MTARC2: variants seen among roughly 807,000 people sequenced by gnomAD.
MTARC2 encodes the protein mitochondrial amidoxime reducing component 2.
In MTARC2, 27 loss-of-function variants were observed where a neutral mutation model predicts 35.6. The ratio of observed to expected loss-of-function variants is 0.76; its 90% CI spans 0.56 to 1.04. The LOEUF (loss-of-function observed/expected upper bound fraction) is 1.04, where lower values mean the gene tolerates loss of function less well. MTARC2 is among the 50% of genes least tolerant of loss of function. MTARC2 has a pLI of 0.00. For missense variants in MTARC2, 412 were observed against 432.5 expected, an observed-to-expected ratio of 0.95 and a Z score of 0.42; for synonymous variants, 158 against 167.1, an observed-to-expected ratio of 0.95 and a Z score of 0.42.
chr1:220,779,481 A>G (rs12033645), intron 4 of MTARC2, among the ~76,000 whole-genome samples: 2,462 of 152,290 alleles, frequency 0.016, 42 homozygotes, highest in East Asian at 0.056. Flanking sequence ...GGCAAGTGTT[A>G]GTGGTTCCCA....
intron 4 of MTARC2, among the ~76,000 whole-genome samples, chr1:220,773,635 G>A (rs1671805879): frequency 6.6e-6 from 1 of 152,146 alleles, no homozygotes; most frequent in Admixed American, 6.5e-5. Flanking sequence ...TTCTAGTAGT[G>A]AGTGTCAGAA....
intron 4 of MTARC2, 193 bp from the exon 5 acceptor site, chr1:220,779,824 TG>T: frequency 2.2e-6 from 1 of 446,136 alleles, no homozygotes; most frequent in Non-Finnish European, 3.9e-6. Context: ...GTTTTGAGAC[TG>T]GGAGTCAAGA....
At chr1:220,773,822 GA>G (rs931415958) in intron 4 of MTARC2, among the ~76,000 whole-genome samples, 24 of 151,826 alleles carry the variant, frequency 1.6e-4, no homozygotes, top group African/African-American at 5.8e-4. Flanking sequence ...AAAGGCAAAA[GA>G]AAAAAATTAA....
In MTARC2 at chr1:220,781,923, G is replaced by C; in HGVS notation, c.*22G>C. The stretch of plus-strand genomic sequence containing the variant: ...GTAGTGATGAGTGATGGATCCACTA[G>C]GGTGATATGGTAAAGGGTCAGCTTT... On this transcript the variant is annotated 3_prime_UTR_variant, in exon 7 of 8. Coordinates refer to ENST00000366913, the MANE Select transcript of MTARC2 (RefSeq NM_017898.5). 2 of 1,612,032 alleles carry C rather than the reference G, an allele frequency of 1.2e-6. No homozygotes were observed. Among genetic ancestry groups the C allele is most frequent in the South Asian group, 2.2e-5 (2 of 90,720 alleles).
intron 2 of MTARC2, among the ~76,000 whole-genome samples, chr1:220,756,914 T>C (rs144850478): frequency 0.011 from 1,734 of 152,308 alleles, 37 homozygotes; most frequent in African/African-American, 0.04. Flanking sequence ...TATTTATTTA[T>C]TTTTTGAGAC....
In MTARC2 at chr1:220,761,838, T is replaced by A. The variant is rs1366800331; in HGVS notation, c.609+18T>A. ...ATTTCCAGGTGAGCTTACAGAGAGT[T>A]TACCTTCACTGCTACTAGTCACCCT... is the stretch of plus-strand genomic sequence containing the variant. On this transcript the variant is annotated intron_variant, in intron 3 of 7. Coordinates refer to ENST00000366913, the MANE Select transcript of MTARC2 (RefSeq NM_017898.5). 7 of 1,587,494 alleles carry A rather than the reference T, an allele frequency of 4.4e-6. No individual in the cohort carries two copies. In the African/African-American group the frequency reaches 5.4e-5, roughly 12 times the overall value.
At chr1:220,770,636 A>C in intron 4 of MTARC2, 3 of 893,390 alleles carry the variant, frequency 3.4e-6, no homozygotes, top group Non-Finnish European at 4.0e-6. Context: ...GAGTCACTGC[A>C]TGGACAAAGT....
intron 7 of MTARC2, 22 bp from the exon 8 acceptor site, chr1:220,783,897 G>C (rs1572324673): frequency 1.4e-6 from 1 of 717,326 alleles, no homozygotes; most frequent in South Asian, 1.5e-5. Context: ...CAAATAACCA[G>C]AGATTCTTAT....
intron 1 of MTARC2, among the ~76,000 whole-genome samples, chr1:220,749,326 T>TCCC (rs1267678808): frequency 6.6e-6 from 1 of 151,582 alleles, no homozygotes; most frequent in Non-Finnish European, 1.5e-5. Context: ...GGGAATAGTG[T>TCCC]CCCCCCTTCT....
chr1:220,778,183 G>A (rs1017601241), intron 4 of MTARC2, among the ~76,000 whole-genome samples: 2 of 150,634 alleles, frequency 1.3e-5, no homozygotes, highest in African/African-American at 2.4e-5. Context: ...CGGAGATTGC[G>A]GCTGCAGTGA....
intron 1 of MTARC2, among the ~76,000 whole-genome samples, chr1:220,750,482 A>C (rs1213582964): frequency 1.3e-5 from 2 of 152,174 alleles, no homozygotes; most frequent in Non-Finnish European, 2.9e-5. Flanking sequence ...GCAACCATGG[A>C]AAGAAAATAC....
At chr1:220,754,109 T>G (rs1330790985) in intron 1 of MTARC2, among the ~76,000 whole-genome samples, 2 of 152,170 alleles carry the variant, frequency 1.3e-5, no homozygotes, top group Non-Finnish European at 2.9e-5. Context: ...ACTGTGATAT[T>G]GAAATTTATT....
intron 4 of MTARC2, among the ~76,000 whole-genome samples, chr1:220,766,450 G>A (rs1671582276): frequency 6.6e-6 from 1 of 152,092 alleles, no homozygotes; most frequent in East Asian, 1.9e-4. Flanking sequence ...GTTTCAAGAA[G>A]TATGTTACTA....
intron 1 of MTARC2, 52 bp from the exon 2 acceptor site, chr1:220,754,895 T>A: frequency 1.3e-6 from 2 of 1,496,018 alleles, no homozygotes; most frequent in Non-Finnish European, 1.8e-6. Flanking sequence ...AGGGAAGCTG[T>A]TGGGAGGTGG....
intron 4 of MTARC2, 147 bp from the exon 5 acceptor site, chr1:220,779,871 T>C (rs927691197): frequency 1.8e-6 from 1 of 557,884 alleles, no homozygotes; most frequent in Non-Finnish European, 3.0e-6. Context: ...TGCCTCCCTT[T>C]GAGTCCTCTG....
chr1:220,777,365 C>T (rs1041689104), intron 4 of MTARC2, among the ~76,000 whole-genome samples: 1 of 152,166 alleles, frequency 6.6e-6, no homozygotes, highest in Non-Finnish European at 1.5e-5. Flanking sequence ...GTTGGAGGGG[C>T]TGGCTTGCCA....
chr1:220,748,812 C>T lies in MTARC2; in HGVS notation c.272+9C>T, dbSNP rs756008157. 6 of 1,574,548 alleles carry T rather than the reference C, an allele frequency of 3.8e-6. No homozygotes were observed. Among genetic ancestry groups the T allele is most frequent in the Non-Finnish European group, 5.2e-6 (6 of 1,162,256 alleles). On this transcript the variant is annotated intron_variant, in intron 1 of 7. Coordinates refer to ENST00000366913, the MANE Select transcript of MTARC2 (RefSeq NM_017898.5). ...GGCAACCTGCGGGACAGGTACAGCA[C>T]AGCGCGGGCGCGGGGCAGCGCGGAG...
chr1:220,769,735 C>T (rs1671682414), intron 4 of MTARC2, among the ~76,000 whole-genome samples: 2 of 134,168 alleles, frequency 1.5e-5, no homozygotes, highest in African/African-American at 5.9e-5. Context: ...TCCCTGGGCA[C>T]TTTCTTCTCT....
intron 1 of MTARC2, 35 bp downstream of exon 1, chr1:220,748,838 C>G: frequency 2.0e-6 from 3 of 1,531,322 alleles, no homozygotes; most frequent in Non-Finnish European, 2.6e-6. Context: ...CAGCGCGGAG[C>G]CTGCCTGGGA....
Sources: gnomAD v4.1 joint callset for allele counts (sites outside exome capture counted in the v4.1 genomes callset) on GRCh38, gnomAD v4.1.1 for gene constraint, MANE v1.5 for transcripts, NCBI Gene and HGNC (gene_info 2026-07-23, HGNC 2026-07-21) for gene names.